FAM227B: variants seen among roughly 807,000 people sequenced by gnomAD.
The protein encoded by FAM227B is family with sequence similarity 227 member B.
Under a neutral mutation model 73.8 loss-of-function variants are expected in FAM227B, and 88 were observed. That is an observed-to-expected ratio of 1.19 (90% CI 1.00 to 1.42). The LOEUF is 1.42. Ranked by LOEUF, FAM227B falls within the 40% of genes most tolerant of loss-of-function variation. The pLI is 0.00. For synonymous variants in FAM227B, 210 were observed against 190.5 expected, an observed-to-expected ratio of 1.10 and a Z score of -0.84; for missense variants, 632 against 590.9, an observed-to-expected ratio of 1.07 and a Z score of -0.72.
chr15:49,611,951 C>A (rs145684361), intron 2 of FAM227B, among the ~76,000 whole-genome samples: 2 of 151,962 alleles, frequency 1.3e-5, no homozygotes, highest in African/African-American at 4.8e-5. Context: ...CCTTTCTTAT[C>A]CCCCAAAGTT....
At chr15:49,520,532 G>A (rs2059705857) in intron 10 of FAM227B, among the ~76,000 whole-genome samples, 1 of 152,136 alleles carries the variant, frequency 6.6e-6, no homozygotes, top group South Asian at 2.1e-4. Flanking sequence ...AAAGAAAAAG[G>A]AGGTGTAATT....
At position 49,515,328 on chromosome 15, in the gene FAM227B, T is replaced by A. The variant is rs151289356; in HGVS notation, c.875-6980A>T. On this transcript the variant is annotated intron_variant, in intron 10 of 15. Coordinates refer to ENST00000299338, the MANE Select transcript of FAM227B (RefSeq NM_152647.3). ...CATTTGATCCTCTTAGAGTTTTCAA[T>A]GTCTCTGCTGAAATTACACATCTAA... Among the ~76,000 whole-genome samples, 443 of 152,306 alleles carry A rather than the reference T, an allele frequency of 2.9e-3. 2 individuals are homozygous for A. The highest frequency in any genetic ancestry group is 1.0e-2 in the African/African-American group (415 of 41,580).
At chr15:49,354,042 C>A (rs2042663195) in intron 13 of FAM227B, 1 of 152,134 alleles carries the variant, frequency 6.6e-6, no homozygotes, top group African/African-American at 2.4e-5. Context: ...CTTCTGGAGT[C>A]TCAGAGTTCT....
intron 11 of FAM227B, among the ~76,000 whole-genome samples, chr15:49,494,091 A>T (rs1024205257): frequency 6.6e-6 from 1 of 152,028 alleles, no homozygotes; most frequent in South Asian, 2.1e-4. Context: ...TCAAGAAAAA[A>T]ACTTCCTAAG....
intron 2 of FAM227B, among the ~76,000 whole-genome samples, chr15:49,613,945 C>A (rs2078120937): frequency 6.6e-6 from 1 of 151,920 alleles, no homozygotes; most frequent in Non-Finnish European, 1.5e-5. Context: ...GAAAAATACT[C>A]ACGATATAAT....
At chr15:49,603,085 C>G (rs1739806607) in intron 3 of FAM227B, among the ~76,000 whole-genome samples, 1 of 151,858 alleles carries the variant, frequency 6.6e-6, no homozygotes, top group African/African-American at 2.4e-5. Flanking sequence ...TGTGATTCCT[C>G]TTGTTTTACT....
chr15:49,475,024 A>G (rs1471547593), intron 11 of FAM227B, among the ~76,000 whole-genome samples: 1 of 152,206 alleles, frequency 6.6e-6, no homozygotes, highest in Non-Finnish European at 1.5e-5. Flanking sequence ...TATTTCAGAC[A>G]ATGGTATGGA....
chr15:49,614,117 C>G (rs1010428322), intron 2 of FAM227B, among the ~76,000 whole-genome samples: 6 of 152,044 alleles, frequency 3.9e-5, no homozygotes, highest in African/African-American at 1.4e-4. Context: ...ATAATATGCA[C>G]ATTTAAATTA....
intron 11 of FAM227B, among the ~76,000 whole-genome samples, chr15:49,410,961 A>AGT (rs149188677): frequency 0.055 from 6,333 of 114,378 alleles, 222 homozygotes; most frequent in African/African-American, 0.1. Flanking sequence ...AGCATTTGAG[A>AGT]GTGTGTGTGT....
chr15:49,415,505 T>C (rs1172203686), intron 11 of FAM227B, among the ~76,000 whole-genome samples: 2 of 152,062 alleles, frequency 1.3e-5, no homozygotes, highest in East Asian at 1.9e-4. Context: ...TTTCATTATA[T>C]AGAAATGTAC....
intron 11 of FAM227B, among the ~76,000 whole-genome samples, chr15:49,433,270 C>T (rs183792143): frequency 4.0e-5 from 6 of 151,514 alleles, no homozygotes; most frequent in Non-Finnish European, 7.4e-5. Flanking sequence ...ATGATTCTTT[C>T]TGTTTGCATT....
chr15:49,570,674 A>T (rs1567603983), intron 8 of FAM227B, among the ~76,000 whole-genome samples: 1 of 151,160 alleles, frequency 6.6e-6, no homozygotes, highest in Non-Finnish European at 1.5e-5. Context: ...TGTTTCTATG[A>T]GATTGACTTT....
intron 11 of FAM227B, among the ~76,000 whole-genome samples, chr15:49,463,180 T>C (rs2053955149): frequency 6.6e-6 from 1 of 152,198 alleles, no homozygotes; most frequent in Non-Finnish European, 1.5e-5. Flanking sequence ...TGGTCTTGCC[T>C]CTTGCCAATT....
chr15:49,520,273 T>G (rs539147945), intron 10 of FAM227B, among the ~76,000 whole-genome samples: 2 of 152,172 alleles, frequency 1.3e-5, no homozygotes, highest in East Asian at 3.9e-4. Flanking sequence ...TCTAGGAAGT[T>G]CCAAACTTTC....
intron 10 of FAM227B, among the ~76,000 whole-genome samples, chr15:49,531,191 TG>T (rs2060582827): frequency 6.6e-6 from 1 of 151,872 alleles, no homozygotes. Context: ...TGCAACTACA[TG>T]CTGGAAATGT....
chr15:49,590,612 T>C (rs2076465400), intron 3 of FAM227B, among the ~76,000 whole-genome samples: 1 of 152,184 alleles, frequency 6.6e-6, no homozygotes, highest in South Asian at 2.1e-4. Context: ...CTTCGATAAA[T>C]GTATAGACTG....
chr15:49,378,418 T>C (rs1179622452), intron 11 of FAM227B, among the ~76,000 whole-genome samples: 1 of 152,162 alleles, frequency 6.6e-6, no homozygotes, highest in Non-Finnish European at 1.5e-5. Flanking sequence ...ACAATATTGA[T>C]TATTCCAATC....
chr15:49,444,265 C>T (rs1391052425), intron 11 of FAM227B, among the ~76,000 whole-genome samples: 3 of 151,660 alleles, frequency 2.0e-5, no homozygotes, highest in Non-Finnish European at 4.4e-5. Flanking sequence ...TGGAAGGCCA[C>T]AATCCAGCTA....
chr15:49,538,577 C>T (rs1474927555), intron 10 of FAM227B, among the ~76,000 whole-genome samples: 1 of 152,152 alleles, frequency 6.6e-6, no homozygotes, highest in Non-Finnish European at 1.5e-5. Context: ...CTCTCTTCAT[C>T]TGAAAAGGTT....
Sources: allele counts gnomAD v4.1 joint callset (sites outside exome capture counted in the v4.1 genomes callset), GRCh38; gene constraint gnomAD v4.1.1; transcripts MANE v1.5; gene names NCBI Gene and HGNC (gene_info 2026-07-23, HGNC 2026-07-21).